NDST3: variants seen among roughly 807,000 people sequenced by gnomAD.
NDST3 encodes the protein N-deacetylase and N-sulfotransferase 3, also known as bifunctional heparan sulfate N-deacetylase/N-sulfotransferase 3.
Under a neutral mutation model 96.1 loss-of-function variants are expected in NDST3, and 58 were observed. The ratio of observed to expected loss-of-function variants is 0.60; its 90% CI spans 0.49 to 0.75. NDST3 has a LOEUF of 0.75. Among genes scored for constraint, NDST3 ranks in the 30% least tolerant of loss-of-function variants. The pLI, the probability that NDST3 is intolerant of heterozygous loss-of-function variation, is 0.00. For missense variants in NDST3, 788 were observed against 1,034.2 expected (o/e 0.76, Z 3.27); for synonymous variants, 333 against 359.7 (o/e 0.93, Z 0.84).
At chr4:118,199,341 C>T (rs376902064) in intron 6 of NDST3, among the ~76,000 whole-genome samples, 14 of 152,182 alleles carry the variant, frequency 9.2e-5, no homozygotes, top group East Asian at 3.9e-4. Flanking sequence ...TGCTATTGAA[C>T]GAGTCTGATG....
chr4:118,160,136 T>C (rs1030918865), intron 6 of NDST3, among the ~76,000 whole-genome samples: 1 of 151,950 alleles, frequency 6.6e-6, no homozygotes, highest in African/African-American at 2.4e-5. Context: ...AATGCCAAAA[T>C]TCAAAGGATG....
chr4:118,060,563 A>G (rs1277818098), intron 2 of NDST3, among the ~76,000 whole-genome samples: 1 of 152,098 alleles, frequency 6.6e-6, no homozygotes, highest in Non-Finnish European at 1.5e-5. Flanking sequence ...TGGATTATCA[A>G]TGTATATGGA....
At chr4:118,143,952 T>C (rs116797935) in intron 6 of NDST3, among the ~76,000 whole-genome samples, 369 of 152,276 alleles carry the variant, frequency 2.4e-3, no homozygotes, top group African/African-American at 8.5e-3. Flanking sequence ...GAAGCTTTCA[T>C]GGGGAATAAA....
intron 6 of NDST3, among the ~76,000 whole-genome samples, chr4:118,161,035 C>G (rs1029420325): frequency 3.9e-5 from 6 of 152,144 alleles, no homozygotes; most frequent in Non-Finnish European, 8.8e-5. Context: ...TGGTGATGTA[C>G]AGATGGGTTT....
At chr4:118,163,563 G>A (rs1340727049) in intron 6 of NDST3, among the ~76,000 whole-genome samples, 1 of 151,976 alleles carries the variant, frequency 6.6e-6, no homozygotes, top group African/African-American at 2.4e-5. Context: ...AGAACACATG[G>A]ACACAGGAAG....
intron 2 of NDST3, among the ~76,000 whole-genome samples, chr4:118,066,168 ATATTT>A (rs1726347764): frequency 4.4e-5 from 1 of 22,946 alleles, no homozygotes; most frequent in Non-Finnish European, 1.2e-4. Context: ...ATTATATATT[ATATTT>A]TATATATTAT....
intron 6 of NDST3, among the ~76,000 whole-genome samples, chr4:118,156,281 AT>A (rs1273768321): frequency 6.6e-6 from 1 of 152,140 alleles, no homozygotes; most frequent in African/African-American, 2.4e-5. Context: ...CTCATACATC[AT>A]TTTTTTAAAG....
chr4:118,046,190 A>G (rs1724751547), intron 1 of NDST3, among the ~76,000 whole-genome samples: 1 of 152,208 alleles, frequency 6.6e-6, no homozygotes, highest in African/African-American at 2.4e-5. Context: ...GAATAGGTTC[A>G]TGATGGGACT....
chr4:118,189,513 T>G (rs1411080087), intron 6 of NDST3, among the ~76,000 whole-genome samples: 4 of 152,186 alleles, frequency 2.6e-5, no homozygotes, highest in Non-Finnish European at 4.4e-5. Flanking sequence ...GAAATTTGAT[T>G]TGGGGAAGCC....
rs1425162527 is a variant in NDST3 at position 118,105,031 on chromosome 4, C to T, written c.995C>T (p.Thr332Ile). 6.2e-7 allele frequency: 1 copy of T among 1,613,078 alleles called. No individual in the cohort carries two copies. The highest frequency in any genetic ancestry group is 2.2e-5 in the East Asian group (1 of 44,766). ...TATGTATTTCAGGCCCTGCTTGATA[C>T]TCAGAATCTTTTGCGTGCACAAATC... is the stretch of plus-strand genomic sequence containing the variant. ...NTNDVKALLD[T>I]QNLLRAQITN... Residue 332 changes from threonine to isoleucine, a missense_variant, in exon 3 of 14, where the codon ACT (threonine) becomes ATT (isoleucine). Physicochemically the swap from Thr to Ile is moderately conservative, Grantham distance 89. Around this residue, in one of 3 missense-constraint regions of NDST3, gnomAD observed 490 missense variants for 708.8 expected, o/e 0.69. Transcript: ENST00000296499.
chr4:118,060,302 CTA>C (rs773131545), intron 2 of NDST3, among the ~76,000 whole-genome samples: 3 of 151,890 alleles, frequency 2.0e-5, no homozygotes, highest in East Asian at 1.9e-4. Flanking sequence ...TTTTTTCATT[CTA>C]TGTTATCTTT....
At chr4:118,228,517 G>T (rs1057226608) in intron 8 of NDST3, among the ~76,000 whole-genome samples, 1 of 152,132 alleles carries the variant, frequency 6.6e-6, no homozygotes, top group Non-Finnish European at 1.5e-5. Context: ...TTTGGATATG[G>T]CATTTGTCGT....
intron 2 of NDST3, among the ~76,000 whole-genome samples, chr4:118,075,875 T>G (rs985942299): frequency 1.3e-5 from 2 of 152,190 alleles, no homozygotes; most frequent in Non-Finnish European, 2.9e-5. Context: ...TGGTAGTTTC[T>G]TTTGCTGTGC....
At chr4:118,194,964 G>C (rs1244013693) in intron 6 of NDST3, among the ~76,000 whole-genome samples, 2 of 152,132 alleles carry the variant, frequency 1.3e-5, no homozygotes, top group African/African-American at 2.4e-5. Flanking sequence ...GCTCAGGATA[G>C]CTTTGACTAT....
At chr4:118,197,759 T>C (rs1225380892) in intron 6 of NDST3, among the ~76,000 whole-genome samples, 1 of 151,704 alleles carries the variant, frequency 6.6e-6, no homozygotes, top group East Asian at 1.9e-4. Context: ...GGGGGGTTTT[T>C]TGGTGTGTTT....
chr4:118,176,666 A>G (rs149880731), intron 6 of NDST3, among the ~76,000 whole-genome samples: 35 of 152,266 alleles, frequency 2.3e-4, no homozygotes, highest in Non-Finnish European at 4.4e-4. Context: ...ACTGGTTAAG[A>G]AAGGCTACAT....
chr4:118,091,151 G>T (rs906892167), intron 2 of NDST3, among the ~76,000 whole-genome samples: 4 of 151,646 alleles, frequency 2.6e-5, no homozygotes, highest in Non-Finnish European at 4.4e-5. Context: ...AGGGTGAAGA[G>T]TGGGAGTAGC....
intron 2 of NDST3, among the ~76,000 whole-genome samples, chr4:118,075,991 T>TG (rs1727496706): frequency 6.6e-6 from 1 of 152,244 alleles, no homozygotes; most frequent in Non-Finnish European, 1.5e-5. Flanking sequence ...AAGGCAGGTC[T>TG]GGTGGTAACA....
intron 8 of NDST3, among the ~76,000 whole-genome samples, chr4:118,229,271 A>T (rs1740114736): frequency 6.6e-6 from 1 of 152,382 alleles, no homozygotes; most frequent in African/African-American, 2.4e-5. Context: ...ACTGCACTCC[A>T]GCCTGGACAA....
Sources: allele counts gnomAD v4.1 joint callset (sites outside exome capture counted in the v4.1 genomes callset), GRCh38; gene constraint gnomAD v4.1.1; regional missense constraint gnomAD v4.1.1; transcripts MANE v1.5; gene names NCBI Gene and HGNC (gene_info 2026-07-23, HGNC 2026-07-21).